Variants in GPC6 observed in about 807,000 individuals in gnomAD.
GPC6 encodes glypican-6.
GPC6 carries 14 observed loss-of-function variants against 55.2 expected under a neutral mutation model. The observed-to-expected ratio is 0.25, with a 90% CI of 0.17 to 0.40. The LOEUF (loss-of-function observed/expected upper bound fraction) is 0.40, where lower values mean the gene tolerates loss of function less well. Ranked by LOEUF, GPC6 falls within the 10% of genes least tolerant of loss-of-function variation. The probability of loss-of-function intolerance (pLI) is 1.00; values close to 1 mark genes in which losing one functional copy is unlikely to be tolerated. For synonymous variants in GPC6, 278 were observed against 259.6 expected (o/e 1.07, Z -0.68); for missense variants, 641 against 708.5 (o/e 0.90, Z 1.08).
At chr13:94,177,651 CAT>C (rs1888828227) in intron 4 of GPC6, among the ~76,000 whole-genome samples, 1 of 152,108 alleles carries the variant, frequency 6.6e-6, no homozygotes, top group African/African-American at 2.4e-5. Context: ...CAAGCAATTT[CAT>C]ATGTTTGGAC....
At chr13:94,203,455 C>A (rs866804944) in intron 4 of GPC6, among the ~76,000 whole-genome samples, 17 of 152,026 alleles carry the variant, frequency 1.1e-4, no homozygotes, top group African/African-American at 4.1e-4. Context: ...TTATAACTTT[C>A]TGTTGTTTTT....
chr13:94,038,905 G>C lies in GPC6; in HGVS notation c.877+11011G>C, dbSNP rs182590834. Among the ~76,000 whole-genome samples, 21 of 152,062 alleles carry C rather than the reference G, an allele frequency of 1.4e-4. No individual in the cohort carries two copies. In the East Asian group the frequency reaches 2.3e-3, roughly 17 times the overall value. ...AGAATTATCAACTAATTGTTAATCA[G>C]TCAGAACTGAAGTGACAAGAGTAGA... On this transcript the variant is annotated intron_variant, in intron 4 of 8. Transcript: ENST00000377047.
At chr13:94,269,932 G>T (rs1316519162) in intron 4 of GPC6, among the ~76,000 whole-genome samples, 2 of 152,094 alleles carry the variant, frequency 1.3e-5, no homozygotes, top group African/African-American at 4.8e-5. Context: ...TTGATGTTGT[G>T]GTGCAGGCAG....
intron 1 of GPC6, among the ~76,000 whole-genome samples, chr13:93,269,632 A>G (rs1877440259): frequency 6.6e-6 from 1 of 152,064 alleles, no homozygotes; most frequent in African/African-American, 2.4e-5. Flanking sequence ...CTGTATAGAA[A>G]TATTTGTGGT....
chr13:93,613,493 C>G (rs2139543960), intron 2 of GPC6, among the ~76,000 whole-genome samples: 1 of 150,912 alleles, frequency 6.6e-6, no homozygotes, highest in Admixed American at 6.7e-5. Context: ...CAATCATTCT[C>G]TGTGACAGAC....
intron 3 of GPC6, among the ~76,000 whole-genome samples, chr13:94,014,794 AT>A (rs1267673284): frequency 7.2e-5 from 11 of 152,296 alleles, no homozygotes; most frequent in African/African-American, 2.6e-4. Flanking sequence ...CATACAATAT[AT>A]GGTCTATGAG....
chr13:94,111,039 G>T (rs541368929), intron 4 of GPC6, among the ~76,000 whole-genome samples: 1 of 151,986 alleles, frequency 6.6e-6, no homozygotes. Context: ...TGAACATTGC[G>T]CTAACAGCAT....
chr13:94,394,767 G>C (rs894463265), intron 7 of GPC6, among the ~76,000 whole-genome samples: 2 of 152,156 alleles, frequency 1.3e-5, no homozygotes, highest in African/African-American at 4.8e-5. Flanking sequence ...TACACCAAAA[G>C]GAGAAAAGGC....
chr13:93,960,675 T>C (rs1309370003), intron 3 of GPC6, among the ~76,000 whole-genome samples: 2 of 152,164 alleles, frequency 1.3e-5, no homozygotes, highest in Admixed American at 1.3e-4. Context: ...CCCAAGTTTT[T>C]TTCCATCTCA....
intron 5 of GPC6, among the ~76,000 whole-genome samples, chr13:94,292,659 G>A (rs1209162649): frequency 6.6e-6 from 1 of 151,912 alleles, no homozygotes. Context: ...AAGGCCAAAG[G>A]TGAACACAAC....
intron 4 of GPC6, among the ~76,000 whole-genome samples, chr13:94,244,558 A>T (rs543400307): frequency 6.6e-6 from 1 of 152,280 alleles, no homozygotes; most frequent in South Asian, 2.1e-4. Flanking sequence ...TTCCTTAAAC[A>T]TTTATTTTGT....
chr13:93,514,032 C>T (rs957368202), intron 1 of GPC6, among the ~76,000 whole-genome samples: 4 of 151,976 alleles, frequency 2.6e-5, no homozygotes, highest in African/African-American at 9.7e-5. Flanking sequence ...CACCACCACG[C>T]CCAGCTAATT....
At chr13:93,535,603 T>A (rs755750597) in intron 1 of GPC6, among the ~76,000 whole-genome samples, 14 of 151,812 alleles carry the variant, frequency 9.2e-5, no homozygotes, top group Non-Finnish European at 1.9e-4. Flanking sequence ...TACGATATGT[T>A]TTCCCCAACC....
At chr13:94,393,774 T>G (rs1359127) in intron 7 of GPC6, among the ~76,000 whole-genome samples, 113,460 of 151,806 alleles carry the variant, frequency 0.75, 43,272 homozygotes, top group Middle Eastern at 0.84. Context: ...TTAAATTTCA[T>G]TAAATCTTGA....
At chr13:93,549,227 A>G (rs576510844) in intron 2 of GPC6, among the ~76,000 whole-genome samples, 1 of 152,282 alleles carries the variant, frequency 6.6e-6, no homozygotes, top group Admixed American at 6.5e-5. Flanking sequence ...TCCTCTGCCA[A>G]ACACCCCAGG....
At chr13:93,905,342 A>G (rs1174288373) in intron 3 of GPC6, among the ~76,000 whole-genome samples, 1 of 152,106 alleles carries the variant, frequency 6.6e-6, no homozygotes, top group African/African-American at 2.4e-5. Context: ...TCAGTGCTAC[A>G]CAAAAAATGC....
At chr13:93,533,841 C>G (rs1039051257) in intron 1 of GPC6, among the ~76,000 whole-genome samples, 1 of 151,944 alleles carries the variant, frequency 6.6e-6, no homozygotes, top group African/African-American at 2.4e-5. Context: ...AGAAATCTTC[C>G]AAGGATTCGT....
At chr13:94,315,142 T>G (rs1876454478) in intron 6 of GPC6, among the ~76,000 whole-genome samples, 2 of 152,212 alleles carry the variant, frequency 1.3e-5, no homozygotes, top group South Asian at 4.1e-4. Flanking sequence ...AAAGTCAGGT[T>G]GATAGTCAAT....
chr13:93,490,514 G>GTTTTTTTTTTTTTTTTTT (rs796098096), intron 1 of GPC6, among the ~76,000 whole-genome samples: 1 of 35,320 alleles, frequency 2.8e-5, no homozygotes, highest in Non-Finnish European at 4.9e-5. Context: ...TTTTTTTTGA[G>GTTTTTTTTTTTTTTTTTT]TTTTTTTTTT....
Sources: gnomAD v4.1 joint callset for allele counts (sites outside exome capture counted in the v4.1 genomes callset) on GRCh38, gnomAD v4.1.1 for gene constraint, MANE v1.5 for transcripts, NCBI Gene and HGNC (gene_info 2026-07-23, HGNC 2026-07-21) for gene names.